The following LRRC4C variants were observed in gnomAD, a reference collection of about 807,000 sequenced individuals.
The protein encoded by LRRC4C is leucine-rich repeat-containing protein 4C.
Under a neutral mutation model 33.6 loss-of-function variants are expected in LRRC4C, and 5 were observed. The ratio of observed to expected loss-of-function variants is 0.15; its 90% confidence interval spans 0.08 to 0.31. The LOEUF is 0.31. Ranked by LOEUF, LRRC4C falls within the 10% of genes least tolerant of loss-of-function variation. The probability of loss-of-function intolerance (pLI) is 1.00; values close to 1 mark genes in which losing one functional copy is unlikely to be tolerated. For synonymous variants in LRRC4C, 329 were observed against 302.0 expected, an observed-to-expected ratio of 1.09 and a Z score of -0.93; for missense variants, 560 against 796.7, an observed-to-expected ratio of 0.70 and a Z score of 3.58.
chr11:40,668,005 G>C (rs1354682782), intron 2 of LRRC4C, among the ~76,000 whole-genome samples: 1 of 152,186 alleles, frequency 6.6e-6, no homozygotes, highest in Non-Finnish European at 1.5e-5. Flanking sequence ...TCAATTCCGA[G>C]TGTGCTTTAC....
chr11:40,863,846 T>C (rs2135871924), intron 2 of LRRC4C, among the ~76,000 whole-genome samples: 1 of 152,264 alleles, frequency 6.6e-6, no homozygotes, highest in South Asian at 2.1e-4. Flanking sequence ...CTTTCCTTTT[T>C]GCTTAACTTA....
At chr11:40,122,019 C>A (rs1378638928) in intron 6 of LRRC4C, among the ~76,000 whole-genome samples, 1 of 152,090 alleles carries the variant, frequency 6.6e-6, no homozygotes, top group African/African-American at 2.4e-5. Context: ...TTCTGGGGCT[C>A]TTCCACCAAA....
At chr11:41,172,537 T>C (rs1945021258) in intron 1 of LRRC4C, among the ~76,000 whole-genome samples, 1 of 152,184 alleles carries the variant, frequency 6.6e-6, no homozygotes, top group Non-Finnish European at 1.5e-5. Flanking sequence ...ATCTCTGTAC[T>C]GACAACATTG....
intron 5 of LRRC4C, among the ~76,000 whole-genome samples, chr11:40,231,685 A>C (rs1217208383): frequency 6.6e-6 from 1 of 152,180 alleles, no homozygotes; most frequent in Non-Finnish European, 1.5e-5. Context: ...ATAGATGTTT[A>C]AAATGAACAT....
intron 1 of LRRC4C, among the ~76,000 whole-genome samples, chr11:41,026,268 C>G (rs1233758906): frequency 1.3e-5 from 2 of 151,574 alleles, no homozygotes; most frequent in African/African-American, 4.8e-5. Flanking sequence ...TAACAGGAGT[C>G]TGCAAGACGT....
At chr11:41,341,876 G>A (rs182284310) in intron 1 of LRRC4C, among the ~76,000 whole-genome samples, 298 of 152,238 alleles carry the variant, frequency 2.0e-3, no homozygotes, top group Non-Finnish European at 2.5e-3. Context: ...CTTTGGCTTT[G>A]ACCAGGTAAC....
At chr11:40,459,900 G>A (rs1214233281) in intron 3 of LRRC4C, among the ~76,000 whole-genome samples, 2 of 152,148 alleles carry the variant, frequency 1.3e-5, no homozygotes, top group African/African-American at 4.8e-5. Flanking sequence ...CATCCATGAT[G>A]CAGCACGATG....
At chr11:40,594,211 A>G (rs1368570218) in intron 3 of LRRC4C, among the ~76,000 whole-genome samples, 1 of 152,238 alleles carries the variant, frequency 6.6e-6, no homozygotes, top group African/African-American at 2.4e-5. Context: ...TTGCTGGGAA[A>G]GCTAGAAGGA....
Position 40,212,471 on chromosome 11 carries a change from T to TA in LRRC4C, c.-96+29047dup, listed in dbSNP as rs1554975050. Among the ~76,000 whole-genome samples the TA allele has an allele frequency of 9.5e-3, 1,372 of 144,650 alleles. 15 individuals are homozygous for TA. The highest frequency in any genetic ancestry group is 0.029 in the African/African-American group (1,106 of 38,006). The allele number at this position is 144,650 out of a possible 152,430, so 94.9% of individuals were successfully genotyped here. On this transcript the variant is annotated intron_variant, in intron 5 of 6. Transcript: ENST00000528697. The stretch of plus-strand genomic sequence containing the variant: ...CAGGCAAGACAAACACAAGCAAAAT[T>TA]AAAAAAAAAAAAAACTATAGGAATA...
Position 40,242,169 on chromosome 11 carries a change from G to C in LRRC4C, c.-175-571C>G, listed in dbSNP as rs555320839. On this transcript the variant is annotated intron_variant, in intron 4 of 6. Coordinates refer to ENST00000528697, the MANE Select transcript of LRRC4C (RefSeq NM_001258419.2). ...TTAATCAGCCGTCTGGACTTCTCTG[G>C]TGTTTTTGGAAATGTTTTTTTTCTT... Among the ~76,000 whole-genome samples, 6 of 152,180 alleles carry C rather than the reference G, an allele frequency of 3.9e-5. No individual in the cohort carries two copies. The East Asian group carries it at 1.2e-3, about 29-fold the overall frequency.
chr11:40,339,872 G>A (rs1488197533), intron 3 of LRRC4C, among the ~76,000 whole-genome samples: 2 of 151,978 alleles, frequency 1.3e-5, no homozygotes, highest in South Asian at 2.1e-4. Context: ...ATGTTTTAGG[G>A]CAATTATAAA....
rs185549575 is a variant in LRRC4C, at chr11:41,070,217, G to A, written c.-495-136494C>T. 2.5e-3 allele frequency among the ~76,000 whole-genome samples: 380 copies of A among 152,284 alleles called. 2 individuals carry two copies. Among genetic ancestry groups the A allele is most frequent in the African/African-American group, 8.2e-3 (340 of 41,558 alleles). On this transcript the variant is annotated intron_variant, in intron 1 of 6. Coordinates refer to ENST00000528697, the MANE Select transcript of LRRC4C (RefSeq NM_001258419.2). ...TGCTGAGAAAACCGGCTAGCCATAT[G>A]CAGAAAACTGAAACTGGAGCCCTTT...
At chr11:40,603,179 G>A (rs892996015) in intron 3 of LRRC4C, among the ~76,000 whole-genome samples, 1 of 152,162 alleles carries the variant, frequency 6.6e-6, no homozygotes, top group Non-Finnish European at 1.5e-5. Flanking sequence ...CACCAAATGT[G>A]TAATTATGGT....
At chr11:41,172,517 T>C (rs942952921) in intron 1 of LRRC4C, among the ~76,000 whole-genome samples, 1 of 152,150 alleles carries the variant, frequency 6.6e-6, no homozygotes, top group Non-Finnish European at 1.5e-5. Flanking sequence ...GCCTAGCACA[T>C]CTATCTTTGA....
chr11:40,392,910 A>G (rs766485821), intron 3 of LRRC4C, among the ~76,000 whole-genome samples: 7 of 152,140 alleles, frequency 4.6e-5, no homozygotes, highest in Non-Finnish European at 1.0e-4. Flanking sequence ...TTGGTGGGAT[A>G]AAGAACCAGG....
intron 1 of LRRC4C, among the ~76,000 whole-genome samples, chr11:41,092,588 G>A (rs1590537104): frequency 6.6e-6 from 1 of 152,244 alleles, no homozygotes; most frequent in East Asian, 1.9e-4. Flanking sequence ...TTCCTTGGGG[G>A]AATAATATAA....
At chr11:40,814,023 T>C (rs1951602213) in intron 2 of LRRC4C, among the ~76,000 whole-genome samples, 1 of 152,132 alleles carries the variant, frequency 6.6e-6, no homozygotes, top group African/African-American at 2.4e-5. Flanking sequence ...TGAGTCAGCG[T>C]CTTTTCCAGG....
intron 3 of LRRC4C, among the ~76,000 whole-genome samples, chr11:40,362,557 T>C (rs1442632276): frequency 6.6e-6 from 1 of 152,142 alleles, no homozygotes; most frequent in Non-Finnish European, 1.5e-5. Flanking sequence ...CTGTCTCTAC[T>C]GAAAATACAA....
chr11:40,807,613 T>C (rs568313599), intron 2 of LRRC4C, among the ~76,000 whole-genome samples: 8 of 152,336 alleles, frequency 5.3e-5, no homozygotes, highest in Non-Finnish European at 1.2e-4. Context: ...GAGGAGCAAA[T>C]GGAGCTGTCA....
Sources: allele counts gnomAD v4.1 joint callset (sites outside exome capture counted in the v4.1 genomes callset), GRCh38; gene constraint gnomAD v4.1.1; transcripts MANE v1.5; gene names NCBI Gene and HGNC (gene_info 2026-07-23, HGNC 2026-07-21).